Variants in ENTREP2 observed in about 807,000 individuals in gnomAD.
The protein encoded by ENTREP2 is protein ENTREP2.
At chr15:29,274,005 C>G in the ENTREP2 span, among the ~76,000 whole-genome samples, 1 of 152,210 alleles carries the variant, frequency 6.6e-6, no homozygotes, top group South Asian at 2.1e-4. Flanking sequence ...CTAGTAAACT[C>G]CCTTTCATAT....
At chr15:29,205,829 T>C in the ENTREP2 span, among the ~76,000 whole-genome samples, 1 of 152,362 alleles carries the variant, frequency 6.6e-6, no homozygotes, top group Middle Eastern at 3.4e-3. Flanking sequence ...CTTGTAGGTT[T>C]CCATCACTTT....
the ENTREP2 span, among the ~76,000 whole-genome samples, chr15:29,433,140 T>G: frequency 1.3e-5 from 2 of 152,158 alleles, no homozygotes; most frequent in Non-Finnish European, 1.5e-5. Flanking sequence ...TGGCACTCTG[T>G]GTACTGGACC....
At chr15:29,528,487 G>C in the ENTREP2 span, among the ~76,000 whole-genome samples, 2 of 152,156 alleles carry the variant, frequency 1.3e-5, no homozygotes, top group Non-Finnish European at 2.9e-5. Flanking sequence ...TGCCTAGCAA[G>C]CCTACAGTAC....
At chr15:29,272,326 C>T in the ENTREP2 span, among the ~76,000 whole-genome samples, 16 of 152,212 alleles carry the variant, frequency 1.1e-4, no homozygotes, top group Middle Eastern at 3.4e-3. Context: ...TAAATATAAC[C>T]GACAACAGCC....
At chr15:29,303,112 A>G in the ENTREP2 span, among the ~76,000 whole-genome samples, 1 of 152,096 alleles carries the variant, frequency 6.6e-6, no homozygotes, top group African/African-American at 2.4e-5. Context: ...AGCCCACACG[A>G]CACTCCTTCA....
At chr15:29,592,863 C>T in the ENTREP2 span, among the ~76,000 whole-genome samples, 2 of 152,140 alleles carry the variant, frequency 1.3e-5, no homozygotes. Context: ...TCTCTTGCTT[C>T]CTCTCTTGTT....
At chr15:29,240,614 A>G in the ENTREP2 span, among the ~76,000 whole-genome samples, 1 of 152,122 alleles carries the variant, frequency 6.6e-6, no homozygotes, top group Non-Finnish European at 1.5e-5. Context: ...TGGCCCCTCA[A>G]TCTTGGACTT....
At chr15:29,404,377 T>C in the ENTREP2 span, among the ~76,000 whole-genome samples, 8 of 151,800 alleles carry the variant, frequency 5.3e-5, no homozygotes, top group Non-Finnish European at 1.2e-4. Flanking sequence ...ACCCTTGTAA[T>C]AGCCGTCTCC....
chr15:29,379,704 C>T, the ENTREP2 span, among the ~76,000 whole-genome samples: 2 of 152,232 alleles, frequency 1.3e-5, no homozygotes, highest in African/African-American at 2.4e-5. Flanking sequence ...CCTAACTCCT[C>T]GTCAGCTATA....
chr15:29,466,192 G>A, the ENTREP2 span, among the ~76,000 whole-genome samples: 1 of 152,196 alleles, frequency 6.6e-6, no homozygotes, highest in African/African-American at 2.4e-5. Flanking sequence ...GAGCAACAGT[G>A]CCTCAAAGGG....
chr15:29,130,621 T>C, the ENTREP2 span, among the ~76,000 whole-genome samples: 1 of 152,180 alleles, frequency 6.6e-6, no homozygotes, highest in African/African-American at 2.4e-5. Flanking sequence ...CTGGATTCAC[T>C]TCATGTTGTG....
chr15:29,513,400 A>G, the ENTREP2 span, among the ~76,000 whole-genome samples: 2 of 152,184 alleles, frequency 1.3e-5, no homozygotes, highest in African/African-American at 4.8e-5. Context: ...TTAAAACCCT[A>G]AGGTTCCACG....
the ENTREP2 span, chr15:29,613,463 G>T: frequency 2.3e-6 from 1 of 434,146 alleles, no homozygotes. Flanking sequence ...GCTCTGGAAT[G>T]GGCACCCTCC....
At chr15:29,547,469 T>C in the ENTREP2 span, among the ~76,000 whole-genome samples, 3 of 152,184 alleles carry the variant, frequency 2.0e-5, no homozygotes, top group Admixed American at 6.5e-5. Flanking sequence ...TCAACAAGCA[T>C]ATGAAAAGAT....
chr15:29,377,393 T>G, the ENTREP2 span, among the ~76,000 whole-genome samples: 1 of 151,956 alleles, frequency 6.6e-6, no homozygotes, highest in East Asian at 1.9e-4. Context: ...TGTGTGTGTG[T>G]GGAGAACGGA....
chr15:29,428,681 T>C, the ENTREP2 span, among the ~76,000 whole-genome samples: 1 of 152,314 alleles, frequency 6.6e-6, no homozygotes, highest in East Asian at 1.9e-4. Flanking sequence ...ATTTCTATAA[T>C]AAATAGCGCC....
At chr15:29,181,459 T>G in the ENTREP2 span, among the ~76,000 whole-genome samples, 1 of 152,080 alleles carries the variant, frequency 6.6e-6, no homozygotes, top group Non-Finnish European at 1.5e-5. Context: ...AATTGCAGTA[T>G]GAACAAGGGA....
chr15:29,262,783 G>C, the ENTREP2 span, among the ~76,000 whole-genome samples: 1 of 152,250 alleles, frequency 6.6e-6, no homozygotes, highest in Admixed American at 6.5e-5. Context: ...AAAAGTTCCA[G>C]AGGCCTGGAC....
the ENTREP2 span, among the ~76,000 whole-genome samples, chr15:29,299,825 C>T: frequency 6.6e-6 from 1 of 151,886 alleles, no homozygotes; most frequent in East Asian, 1.9e-4. Flanking sequence ...ATAAAGCACA[C>T]AAACATTAGC....
Sources: gnomAD v4.1 joint callset for allele counts (sites outside exome capture counted in the v4.1 genomes callset) on GRCh38, gnomAD v4.1.1 for gene constraint, MANE v1.5 for transcripts, NCBI Gene and HGNC (gene_info 2026-07-23, HGNC 2026-07-21) for gene names.